Variants in RGS17 observed in about 807,000 individuals in gnomAD.
The protein encoded by RGS17 is regulator of G-protein signaling 17.
Under a neutral mutation model 25.5 loss-of-function variants are expected in RGS17, and 12 were observed. The observed-to-expected ratio is 0.47, with a 90% confidence interval of 0.30 to 0.76. The LOEUF (loss-of-function observed/expected upper bound fraction) is 0.76. RGS17 is among the 30% of genes least tolerant of loss of function. The pLI, the probability that RGS17 is intolerant of heterozygous loss-of-function variation, is 0.07. For synonymous variants in RGS17, 71 were observed against 76.9 expected, an observed-to-expected ratio of 0.92 and a Z score of 0.40; for missense variants, 196 against 242.2, an observed-to-expected ratio of 0.81 and a Z score of 1.27.
intron 1 of RGS17, among the ~76,000 whole-genome samples, chr6:153,109,981 T>C (rs558613423): frequency 3.5e-4 from 54 of 152,378 alleles, no homozygotes; most frequent in African/African-American, 1.2e-3. Context: ...AAAAATGATA[T>C]ACTGTTTCCT....
Position 153,011,517 on chromosome 6 carries a change from T to C in RGS17, c.*57A>G, listed in dbSNP as rs1779132838. 1 of 1,224,088 alleles carries C rather than the reference T, an allele frequency of 8.2e-7. No homozygotes were observed. 75.8% of individuals were successfully genotyped at this position (1,224,088 alleles called of 1,614,324 possible). On this transcript the variant is annotated 3_prime_UTR_variant, in exon 5 of 5. Transcript: ENST00000206262. ...TCCAGGAACTCAGTTTCTGATGTTA[T>C]TTAACTACTTTTATTTCCCATCTCA... is the stretch of plus-strand genomic sequence containing the variant.
chr6:153,075,278 T>C (rs1295440053), intron 1 of RGS17, among the ~76,000 whole-genome samples: 1 of 152,160 alleles, frequency 6.6e-6, no homozygotes, highest in Non-Finnish European at 1.5e-5. Flanking sequence ...GACCCTGACT[T>C]GTAAGTTGCA....
At chr6:153,044,763 C>T (rs1776367605) in intron 1 of RGS17, among the ~76,000 whole-genome samples, 1 of 152,140 alleles carries the variant, frequency 6.6e-6, no homozygotes, top group Non-Finnish European at 1.5e-5. Context: ...TATATCATGG[C>T]AGATAAAATA....
chr6:153,099,945 T>C (rs977160349), intron 1 of RGS17, among the ~76,000 whole-genome samples: 4 of 152,190 alleles, frequency 2.6e-5, no homozygotes, highest in African/African-American at 9.6e-5. Context: ...AGAACAGCTT[T>C]TAATAACGAT....
At chr6:153,050,123 T>C (rs1236865670) in intron 1 of RGS17, among the ~76,000 whole-genome samples, 1 of 152,154 alleles carries the variant, frequency 6.6e-6, no homozygotes, top group Non-Finnish European at 1.5e-5. Context: ...CAAGTGATAA[T>C]ACATGCAAAA....
chr6:153,089,540 A>G (rs17083538), intron 1 of RGS17, among the ~76,000 whole-genome samples: 5,205 of 152,180 alleles, frequency 0.034, 393 homozygotes, highest in South Asian at 0.26. Context: ...GTCTGCGTGT[A>G]AGAAAATGAT....
intron 1 of RGS17, among the ~76,000 whole-genome samples, chr6:153,047,611 G>C (rs1776401407): frequency 6.6e-6 from 1 of 152,100 alleles, no homozygotes; most frequent in Admixed American, 6.6e-5. Context: ...CTCATGAATG[G>C]GATTAGTGCC....
rs374429243 is a variant in RGS17, at chr6:153,104,542, T to C, written c.-26+26582A>G. Among the ~76,000 whole-genome samples the C allele has an allele frequency of 1.0e-3, 158 of 152,244 alleles. 2 individuals carry two copies. Among genetic ancestry groups the C allele is most frequent in the African/African-American group, 3.6e-3 (151 of 41,540 alleles). On this transcript the variant is annotated intron_variant, in intron 1 of 4. Coordinates refer to ENST00000206262, the MANE Select transcript of RGS17 (RefSeq NM_012419.5). ...AAGAGAAATGTATCTGTTGGATACA[T>C]AGGAAAAGCTGTTGCACATGTCAGA...
chr6:153,010,501 A>G lies in RGS17; in HGVS notation c.*1073T>C, dbSNP rs1779119598. 1 of 152,086 alleles carries G rather than the reference A, an allele frequency of 6.6e-6. No individual in the cohort carries two copies. Among genetic ancestry groups the G allele is most frequent in the Non-Finnish European group, 1.5e-5 (1 of 67,922 alleles). 9.4% of individuals were successfully genotyped at this position (152,086 alleles called of 1,614,324 possible). A position where few individuals can be genotyped will look rare whatever the true frequency, so the allele number is the denominator to read the frequency against. On this transcript the variant is annotated 3_prime_UTR_variant, in exon 5 of 5. Coordinates refer to ENST00000206262, the MANE Select transcript of RGS17 (RefSeq NM_012419.5). ...TCTGAAGTAGAGGATTATTTTCTTC[A>G]TAACCCTTATAAAACTTTTCCTGGT...
At chr6:153,039,607 A>T (rs1776297938) in intron 2 of RGS17, among the ~76,000 whole-genome samples, 1 of 152,342 alleles carries the variant, frequency 6.6e-6, no homozygotes, top group African/African-American at 2.4e-5. Context: ...AGGAATTAGT[A>T]CCTGAAGATT....
At chr6:153,038,150 A>G (rs907777631) in intron 2 of RGS17, among the ~76,000 whole-genome samples, 2 of 152,152 alleles carry the variant, frequency 1.3e-5, no homozygotes, top group African/African-American at 4.8e-5. Context: ...TGACTGGGGT[A>G]TCTGGGGTCA....
Position 153,024,472 on chromosome 6 carries a change from G to C in RGS17, c.234C>G (p.Val78=), listed in dbSNP as rs758067854. 4 of 1,614,118 alleles carry C rather than the reference G, an allele frequency of 2.5e-6. No homozygotes were observed. In the South Asian group the frequency reaches 3.3e-5, roughly 13 times the overall value. ...TGTCAAAATTTTGAGACCAGGACAA[G>C]ACTTCCTCTGCAGTGGGGTTTTGGC... is the stretch of plus-strand genomic sequence containing the variant. ...EECQNPTAEE[V]LSWSQNFDKM... is the part of the protein sequence containing the mutation. The change falls in exon 4 of 5, where the codon GTC becomes GTG. Residue 78 remains valine (V), a synonymous_variant. Coordinates refer to ENST00000206262, the MANE Select transcript of RGS17 (RefSeq NM_012419.5).
At chr6:153,037,997 A>C in intron 2 of RGS17, among the ~76,000 whole-genome samples, 1 of 152,136 alleles carries the variant, frequency 6.6e-6, no homozygotes, top group East Asian at 1.9e-4. Context: ...TATGAACAGC[A>C]CCAGTCTATT....
intron 2 of RGS17, 146 bp from the exon 3 acceptor site, chr6:153,026,689 T>G: frequency 1.9e-6 from 1 of 519,700 alleles, no homozygotes. Flanking sequence ...AATACCATTT[T>G]TAAATGATGG....
At chr6:153,082,469 T>C (rs1230218036) in intron 1 of RGS17, among the ~76,000 whole-genome samples, 4 of 152,202 alleles carry the variant, frequency 2.6e-5, no homozygotes, top group Non-Finnish European at 5.9e-5. Context: ...CTTCCATTTT[T>C]TCCACAATCT....
intron 1 of RGS17, among the ~76,000 whole-genome samples, chr6:153,078,429 T>A (rs1776918986): frequency 6.6e-6 from 1 of 152,112 alleles, no homozygotes; most frequent in Non-Finnish European, 1.5e-5. Context: ...TATTTATATC[T>A]TTTTAAATTT....
chr6:153,080,604 G>A (rs1042440155), intron 1 of RGS17, among the ~76,000 whole-genome samples: 2 of 151,768 alleles, frequency 1.3e-5, no homozygotes, highest in African/African-American at 4.8e-5. Context: ...TGATTTTCAT[G>A]ATTTCTGCCT....
At chr6:153,027,579 G>A (rs1180528015) in intron 2 of RGS17, among the ~76,000 whole-genome samples, 1 of 152,068 alleles carries the variant, frequency 6.6e-6, no homozygotes, top group Non-Finnish European at 1.5e-5. Flanking sequence ...AAGAAGCAAT[G>A]GAAATGATGA....
chr6:153,124,120 C>A (rs1239658906), intron 1 of RGS17, among the ~76,000 whole-genome samples: 1 of 152,140 alleles, frequency 6.6e-6, no homozygotes, highest in Admixed American at 6.5e-5. Flanking sequence ...TGGTCTATTG[C>A]TAAACCCTAA....
Sources: allele counts gnomAD v4.1 joint callset (sites outside exome capture counted in the v4.1 genomes callset), GRCh38; gene constraint gnomAD v4.1.1; transcripts MANE v1.5; gene names NCBI Gene and HGNC (gene_info 2026-07-23, HGNC 2026-07-21).